GADL1: variants seen among roughly 807,000 people sequenced by gnomAD.
GADL1 encodes GAD like acidic amino acid decarboxylase 1.
In GADL1, 71 loss-of-function variants were observed where a neutral mutation model predicts 69.5. That is an observed-to-expected ratio of 1.02 (90% CI 0.84 to 1.25). The LOEUF (loss-of-function observed/expected upper bound fraction) is 1.25, where lower values mean the gene tolerates loss of function less well. Among genes scored for constraint, GADL1 ranks in the 50% most tolerant of loss-of-function variants. The pLI is 0.00. For synonymous variants in GADL1, 254 were observed against 214.4 expected (o/e 1.18, Z -1.62); for missense variants, 737 against 631.8 (o/e 1.17, Z -1.79).
At chr3:30,797,628 T>A (rs1214476051) in intron 12 of GADL1, 1 of 151,996 alleles carries the variant, frequency 6.6e-6, no homozygotes, top group East Asian at 1.9e-4. Flanking sequence ...TCTATGCTAT[T>A]AGGCTAGATT....
intron 14 of GADL1, among the ~76,000 whole-genome samples, chr3:30,767,357 G>A (rs1472454099): frequency 6.6e-6 from 1 of 152,156 alleles, no homozygotes; most frequent in Non-Finnish European, 1.5e-5. Flanking sequence ...AGTATTAGCA[G>A]ATTTGAGAAC....
chr3:30,791,535 A>G (rs1397739622), intron 12 of GADL1, among the ~76,000 whole-genome samples: 2 of 152,204 alleles, frequency 1.3e-5, no homozygotes, highest in African/African-American at 4.8e-5. Context: ...TAACCATAGT[A>G]TCATTTTAAA....
chr3:30,741,265 A>G (rs1277030376), intron 14 of GADL1, among the ~76,000 whole-genome samples: 1 of 148,560 alleles, frequency 6.7e-6, no homozygotes, highest in African/African-American at 2.5e-5. Flanking sequence ...TGCCCACGCC[A>G]AGATTACAAA....
chr3:30,887,917 G>A (rs565361013), intron 1 of GADL1, among the ~76,000 whole-genome samples: 22 of 152,238 alleles, frequency 1.4e-4, no homozygotes, highest in African/African-American at 4.3e-4. Flanking sequence ...GTGTTCACAG[G>A]GGATTGGTTT....
chr3:30,786,684 T>C (rs2125500004), intron 12 of GADL1, among the ~76,000 whole-genome samples: 1 of 152,328 alleles, frequency 6.6e-6, no homozygotes, highest in East Asian at 1.9e-4. Context: ...GCAGGCTGGA[T>C]ATATATCTCT....
chr3:30,730,729 T>G (rs1695443703), intron 14 of GADL1, among the ~76,000 whole-genome samples: 1 of 152,116 alleles, frequency 6.6e-6, no homozygotes, highest in Non-Finnish European at 1.5e-5. Flanking sequence ...AATGGGAAAA[T>G]GCTCACATTA....
At chr3:30,844,665 C>G (rs1043009329) in intron 6 of GADL1, among the ~76,000 whole-genome samples, 199 bp from the exon 7 acceptor site, 1 of 152,134 alleles carries the variant, frequency 6.6e-6, no homozygotes, top group Non-Finnish European at 1.5e-5. Context: ...CAGGATTGAA[C>G]GTCAAGTATT....
At chr3:30,890,852 G>A (rs147792620) in intron 1 of GADL1, among the ~76,000 whole-genome samples, 2 of 152,120 alleles carry the variant, frequency 1.3e-5, no homozygotes, top group Non-Finnish European at 2.9e-5. Context: ...AACATAATAA[G>A]TCTATAACCT....
At chr3:30,804,568 A>T (rs533850453) in intron 11 of GADL1, among the ~76,000 whole-genome samples, 1 of 111,868 alleles carries the variant, frequency 8.9e-6, no homozygotes, top group Non-Finnish European at 1.8e-5. Context: ...CATCCTTCTT[A>T]CTTATCTGAC....
intron 14 of GADL1, among the ~76,000 whole-genome samples, chr3:30,755,495 AG>A (rs1276426328): frequency 7.2e-5 from 11 of 152,238 alleles, no homozygotes; most frequent in Non-Finnish European, 1.3e-4. Flanking sequence ...AGATAAGTGA[AG>A]ACTTCTCCCC....
rs1698236462 is a variant in GADL1 at position 30,856,810 on chromosome 3, T to A, written c.337+205A>T. ...ATATTTACATACAAACACTAACACC[T>A]ACAGTTTTCCTGTCAACTTATCTTT... is the stretch of plus-strand genomic sequence containing the variant. On this transcript the variant is annotated intron_variant, in intron 3 of 14. Transcript: ENST00000282538. 2.0e-5 allele frequency among the ~76,000 whole-genome samples: 3 copies of A among 152,044 alleles called. No individual in the cohort carries two copies. The South Asian group carries it at 6.2e-4, about 31-fold the overall frequency.
In GADL1 at chr3:30,849,979, C is replaced by T. The variant is rs1025355858; in HGVS notation, c.651+17G>A. Reference sequence around the variant, plus strand: ...TTTCTCAGAAAATCTATATTCAATACCAAAAATAATTTTTACCTCTGCAGA... The same window carrying T: ...TTTCTCAGAAAATCTATATTCAATATCAAAAATAATTTTTACCTCTGCAGA... On this transcript the variant is annotated intron_variant, in intron 6 of 14. Coordinates refer to ENST00000282538, the MANE Select transcript of GADL1 (RefSeq NM_207359.3). 11 of 1,420,950 alleles carry T rather than the reference C, an allele frequency of 7.7e-6. No individual in the cohort carries two copies. Among genetic ancestry groups the T allele is most frequent in the African/African-American group, 2.8e-5 (2 of 70,794 alleles). 88.0% of individuals were successfully genotyped at this position (1,420,950 alleles called of 1,614,324 possible). A position where few individuals can be genotyped will look rare whatever the true frequency, so the allele number is the denominator to read the frequency against.
chr3:30,791,665 T>C (rs1696919513), intron 12 of GADL1, among the ~76,000 whole-genome samples: 1 of 151,604 alleles, frequency 6.6e-6, no homozygotes, highest in Non-Finnish European at 1.5e-5. Flanking sequence ...GTTGGGGTAA[T>C]GTTCCTATCG....
intron 13 of GADL1, among the ~76,000 whole-genome samples, chr3:30,780,970 A>G (rs1046010068): frequency 6.6e-6 from 1 of 152,314 alleles, no homozygotes; most frequent in South Asian, 2.1e-4. Context: ...AGAGACTTCA[A>G]AGCACTAATG....
At chr3:30,876,048 T>C (rs1222865390) in intron 1 of GADL1, among the ~76,000 whole-genome samples, 1 of 152,008 alleles carries the variant, frequency 6.6e-6, no homozygotes, top group Non-Finnish European at 1.5e-5. Context: ...ATGAATGTTT[T>C]CTTCAGTTCC....
At chr3:30,752,666 C>A (rs865774202) in intron 14 of GADL1, among the ~76,000 whole-genome samples, 1 of 152,250 alleles carries the variant, frequency 6.6e-6, no homozygotes, top group East Asian at 1.9e-4. Flanking sequence ...TACTTCATAG[C>A]ACTGTGACAG....
intron 11 of GADL1, among the ~76,000 whole-genome samples, chr3:30,822,851 T>G (rs1407172902): frequency 6.6e-6 from 1 of 152,052 alleles, no homozygotes; most frequent in Non-Finnish European, 1.5e-5. Context: ...CTTAAAATGT[T>G]ACTAACCTTT....
At chr3:30,882,955 T>C (rs1698661650) in intron 1 of GADL1, among the ~76,000 whole-genome samples, 1 of 151,960 alleles carries the variant, frequency 6.6e-6, no homozygotes, top group African/African-American at 2.4e-5. Flanking sequence ...TGTTGGTTAT[T>C]GGTGTATCAT....
At chr3:30,729,606 T>C (rs912242219) in intron 14 of GADL1, among the ~76,000 whole-genome samples, 4 of 152,152 alleles carry the variant, frequency 2.6e-5, no homozygotes, top group Non-Finnish European at 4.4e-5. Flanking sequence ...ACCAGCCCAG[T>C]TTTTGAACAT....
Sources: gnomAD v4.1 joint callset for allele counts (sites outside exome capture counted in the v4.1 genomes callset) on GRCh38, gnomAD v4.1.1 for gene constraint, MANE v1.5 for transcripts, NCBI Gene and HGNC (gene_info 2026-07-23, HGNC 2026-07-21) for gene names.